The following SEL1L3 variants were observed in gnomAD, a reference collection of about 807,000 sequenced individuals.
SEL1L3 encodes the protein protein sel-1 homolog 3.
Under a neutral mutation model 142.8 loss-of-function variants are expected in SEL1L3, and 76 were observed. The ratio of observed to expected loss-of-function variants is 0.53; its 90% CI spans 0.44 to 0.64. SEL1L3 has a LOEUF of 0.64. Ranked by LOEUF, SEL1L3 falls within the 30% of genes least tolerant of loss-of-function variation. The pLI is 0.00. For missense variants in SEL1L3, 1,262 were observed against 1,381.7 expected, an observed-to-expected ratio of 0.91 and a Z score of 1.37; for synonymous variants, 504 against 519.6, an observed-to-expected ratio of 0.97 and a Z score of 0.41.
intron 9 of SEL1L3, among the ~76,000 whole-genome samples, chr4:25,813,578 G>A (rs573015457): frequency 2.0e-5 from 3 of 152,260 alleles, no homozygotes; most frequent in African/African-American, 4.8e-5. Flanking sequence ...ATGGGGAGAC[G>A]TTTACTGAGT....
At chr4:25,818,454 A>G (rs1437627654) in intron 8 of SEL1L3, among the ~76,000 whole-genome samples, 176 bp from the exon 9 acceptor site, 1 of 152,230 alleles carries the variant, frequency 6.6e-6, no homozygotes, top group Admixed American at 6.5e-5. Flanking sequence ...TCACAAATTC[A>G]GAGCCAAGTC....
intron 11 of SEL1L3, among the ~76,000 whole-genome samples, chr4:25,801,536 T>C (rs1713182912): frequency 6.6e-6 from 1 of 152,248 alleles, no homozygotes; most frequent in Non-Finnish European, 1.5e-5. Context: ...CTCCCTGTCC[T>C]CTGAAAGAAG....
At chr4:25,755,452 C>G (rs933633010) in intron 23 of SEL1L3, among the ~76,000 whole-genome samples, 1 of 152,042 alleles carries the variant, frequency 6.6e-6, no homozygotes, top group Non-Finnish European at 1.5e-5. Context: ...CTCTCTGCCT[C>G]AGTTTCCTCA....
In SEL1L3 at chr4:25,862,686, G is replaced by A. The variant is rs758623747; in HGVS notation, c.151C>T (p.Leu51Phe). ...GGTCCGGCGCTCACCAGGTAGCAGA[G>A]CAGGAGCAGCGCGCAGGCAGAGCGG... Reference protein sequence around the residue: ...GGRSACALLLLCYLNVVPSLG... With the variant: ...GGRSACALLLFCYLNVVPSLG... Residue 51 changes from leucine to phenylalanine, a missense_variant, in exon 1 of 24, where the codon CTC becomes TTC. Physicochemically the swap from Leu to Phe is conservative, Grantham distance 22. Around this residue, in one of 3 missense-constraint regions of SEL1L3, gnomAD observed 689 missense variants for 692.8 expected, o/e 0.99. Transcript: ENST00000399878. 3.1e-6 allele frequency: 4 copies of A among 1,304,292 alleles called. No individual in the cohort carries two copies. The highest frequency in any genetic ancestry group is 9.8e-7 in the Non-Finnish European group (1 of 1,024,028). 80.8% of individuals were successfully genotyped at this position (1,304,292 alleles called of 1,614,324 possible). A position where few individuals can be genotyped will look rare whatever the true frequency, so the allele number is the denominator to read the frequency against.
intron 9 of SEL1L3, among the ~76,000 whole-genome samples, chr4:25,807,783 A>C (rs566521577): frequency 2.0e-5 from 3 of 152,162 alleles, no homozygotes; most frequent in Admixed American, 2.0e-4. Context: ...GGTAGCTGAG[A>C]TTGCTGGAGA....
intron 20 of SEL1L3, among the ~76,000 whole-genome samples, chr4:25,763,180 A>G (rs1351203213): frequency 7.7e-6 from 1 of 129,848 alleles, no homozygotes; most frequent in African/African-American, 3.1e-5. Flanking sequence ...GTAAAAATAA[A>G]AATTGAAAAA....
intron 6 of SEL1L3, among the ~76,000 whole-genome samples, chr4:25,826,923 C>A (rs1192750186): frequency 6.6e-6 from 1 of 152,164 alleles, no homozygotes; most frequent in African/African-American, 2.4e-5. Flanking sequence ...CTCAGCCTCC[C>A]AAAGTGCTGG....
At chr4:25,785,099 C>T (rs1711694343) in intron 13 of SEL1L3, among the ~76,000 whole-genome samples, 2 of 152,118 alleles carry the variant, frequency 1.3e-5, no homozygotes, top group African/African-American at 4.8e-5. Flanking sequence ...TTACTGATAC[C>T]CCCAATCCCC....
At chr4:25,843,895 G>A (rs191327947) in intron 2 of SEL1L3, among the ~76,000 whole-genome samples, 197 of 152,376 alleles carry the variant, frequency 1.3e-3, no homozygotes, top group African/African-American at 4.6e-3. Flanking sequence ...CCCTCGCCTC[G>A]GGAGCCTTGG....
Position 25,765,333 on chromosome 4 carries a change from T to A in SEL1L3, c.2948A>T (p.Asp983Val). The change falls in exon 20 of 24, where the codon GAC becomes GTC. Residue 983 changes from aspartate to valine, a missense_variant. Transcript: ENST00000399878. ...GTTGCGGTTGCTGTTTACCTGGGAG[T>A]CTCCATCCAGGGCGGCTTGGGCGTA... ...QMYAQAALDG[D>V]SQGFFNLALL... 1 of 1,608,986 alleles carries A rather than the reference T, an allele frequency of 6.2e-7. No homozygotes were observed. Among genetic ancestry groups the A allele is most frequent in the Non-Finnish European group, 8.5e-7 (1 of 1,175,690 alleles).
chr4:25,733,334 T>A, the SEL1L3 span, among the ~76,000 whole-genome samples: 1 of 152,088 alleles, frequency 6.6e-6, no homozygotes, highest in Admixed American at 6.6e-5. Flanking sequence ...ACAGGTCTTG[T>A]AAGCCTTTTG....
chr4:25,767,935 T>TA (rs982816058), intron 17 of SEL1L3, 105 bp from the exon 18 acceptor site: 73 of 692,644 alleles, frequency 1.1e-4, no homozygotes, highest in East Asian at 3.9e-4. Flanking sequence ...GCAGTTTTTT[T>TA]AAAAAAACCA....
intron 23 of SEL1L3, chr4:25,755,978 G>C (rs563648476): frequency 1.0e-6 from 1 of 985,412 alleles, no homozygotes; most frequent in African/African-American, 1.7e-5. Context: ...AGACTATGGG[G>C]CATCAAGCCT....
intron 20 of SEL1L3, among the ~76,000 whole-genome samples, chr4:25,762,139 G>A (rs542249880): frequency 4.6e-5 from 7 of 152,204 alleles, no homozygotes; most frequent in African/African-American, 1.7e-4. Context: ...AGCAGAGATG[G>A]GGTTTCACCA....
At chr4:25,714,592 G>A in the SEL1L3 span, among the ~76,000 whole-genome samples, 29 of 111,376 alleles carry the variant, frequency 2.6e-4, no homozygotes, top group African/African-American at 9.4e-4. Context: ...TTTTTTTTGA[G>A]ACAGAGTCTT....
At chr4:25,762,925 G>A (rs974720505) in intron 20 of SEL1L3, among the ~76,000 whole-genome samples, 2 of 150,056 alleles carry the variant, frequency 1.3e-5, no homozygotes, top group South Asian at 2.1e-4. Flanking sequence ...GCAGTGAGCC[G>A]AGATCATGCC....
At chr4:25,823,791 G>A (rs1365302073) in intron 6 of SEL1L3, among the ~76,000 whole-genome samples, 10 of 152,202 alleles carry the variant, frequency 6.6e-5, no homozygotes, top group Admixed American at 3.3e-4. Context: ...GCAAAGGGCC[G>A]GAGTGACGAT....
At chr4:25,756,336 A>T (rs1268132507) in intron 23 of SEL1L3, 1 of 985,236 alleles carries the variant, frequency 1.0e-6, no homozygotes, top group African/African-American at 1.7e-5. Context: ...AAATGACACG[A>T]CTGGGGCCTT....
chr4:25,836,631 G>A (rs562218013), intron 2 of SEL1L3, among the ~76,000 whole-genome samples: 3 of 152,214 alleles, frequency 2.0e-5, no homozygotes, highest in Admixed American at 6.5e-5. Flanking sequence ...CAAACTGGGC[G>A]ACAGAGCAAG....
Sources: gnomAD v4.1 joint callset for allele counts (sites outside exome capture counted in the v4.1 genomes callset) on GRCh38, gnomAD v4.1.1 for gene constraint, gnomAD v4.1.1 regional missense constraint, MANE v1.5 for transcripts, NCBI Gene and HGNC (gene_info 2026-07-23, HGNC 2026-07-21) for gene names.